ASPSCR1: variants seen among roughly 807,000 people sequenced by gnomAD.
ASPSCR1 encodes tether containing UBX domain for GLUT4.
ASPSCR1 carries 55 observed loss-of-function variants against 68.9 expected under a neutral mutation model. The ratio of observed to expected loss-of-function variants is 0.80; its 90% CI spans 0.64 to 1.00. The LOEUF (loss-of-function observed/expected upper bound fraction) is 1.00. ASPSCR1 is among the 50% of genes least tolerant of loss of function. The pLI, the probability that ASPSCR1 is intolerant of heterozygous loss-of-function variation, is 0.00. For missense variants in ASPSCR1, 765 were observed against 762.2 expected (o/e 1.00, Z -0.04); for synonymous variants, 352 against 332.6 (o/e 1.06, Z -0.63).
Position 82,009,166 on chromosome 17 carries a change from C to T in ASPSCR1, c.1063C>T (p.Arg355Cys), listed in dbSNP as rs995423507. 13 of 1,610,546 alleles carry T rather than the reference C, an allele frequency of 8.1e-6. No homozygotes were observed. The highest frequency in any genetic ancestry group is 1.1e-5 in the Non-Finnish European group (13 of 1,178,850). Residue 355 changes from arginine (R) to cysteine (C), a missense_variant, in exon 8 of 16, where the codon CGC becomes TGC. By Grantham distance (180) the Arg-to-Cys change is radical. Coordinates refer to ENST00000306739, the MANE Select transcript of ASPSCR1 (RefSeq NM_024083.4). ...FELTVDDVRR[R>C]LAQLKSERKR... ...GCTGACGGTGGACGACGTGAGAAGA[C>T]GCTTGGCCCAGCTCAAGAGTGAGCG...
intron 4 of ASPSCR1, among the ~76,000 whole-genome samples, chr17:81,991,087 C>G (rs960609752): frequency 6.6e-6 from 1 of 152,126 alleles, no homozygotes; most frequent in African/African-American, 2.4e-5. Flanking sequence ...AAGGGTGAGC[C>G]GTGGGAACTC....
intron 7 of ASPSCR1, among the ~76,000 whole-genome samples, chr17:82,000,877 G>T (rs2042506695): frequency 6.6e-6 from 1 of 152,122 alleles, no homozygotes; most frequent in African/African-American, 2.4e-5. Context: ...CCCTGTGCTG[G>T]GCTGGGACGC....
At chr17:81,997,652 C>G (rs1283018189) in intron 7 of ASPSCR1, among the ~76,000 whole-genome samples, 2 of 150,064 alleles carry the variant, frequency 1.3e-5, no homozygotes, top group African/African-American at 4.9e-5. Context: ...CCAAGCCCAG[C>G]TAATTTTTTT....
At chr17:82,012,324 TCCAG>T (rs2042978124) in intron 12 of ASPSCR1, 41 bp downstream of exon 12, 1 of 1,591,516 alleles carries the variant, frequency 6.3e-7, no homozygotes, top group East Asian at 2.2e-5. Flanking sequence ...GGCGGGGCCC[TCCAG>T]GGAGGGCAGG....
chr17:82,016,593 C>A, intron 13 of ASPSCR1, 66 bp downstream of exon 13: 1 of 1,542,888 alleles, frequency 6.5e-7, no homozygotes, highest in Non-Finnish European at 8.8e-7. Context: ...TCAGAGCCAG[C>A]TGCCCGGGAG....
chr17:82,015,077 C>G (rs1419839180), intron 12 of ASPSCR1: 5 of 1,596,876 alleles, frequency 3.1e-6, no homozygotes, highest in Non-Finnish European at 4.2e-6. Context: ...CTTTCCAGCC[C>G]CAGCTTGGTG....
At chr17:81,981,251 A>T (rs937222223) in intron 2 of ASPSCR1, among the ~76,000 whole-genome samples, 4 of 152,186 alleles carry the variant, frequency 2.6e-5, no homozygotes, top group Non-Finnish European at 5.9e-5. Context: ...GAGAGCCTGC[A>T]GATGTGTCTG....
intron 12 of ASPSCR1, chr17:82,014,916 C>A: frequency 1.1e-6 from 1 of 890,490 alleles, no homozygotes; most frequent in Non-Finnish European, 1.7e-6. Context: ...CGGGCACCCC[C>A]ACTTCTCCCT....
chr17:82,008,728 G>A (rs745625245), intron 7 of ASPSCR1: 12 of 314,988 alleles, frequency 3.8e-5, no homozygotes, highest in Admixed American at 2.5e-4. Flanking sequence ...AGACCCTGAC[G>A]TGGCCTGAGC....
chr17:81,984,144 C>T (rs571222326), intron 3 of ASPSCR1, among the ~76,000 whole-genome samples: 1 of 152,288 alleles, frequency 6.6e-6, no homozygotes, highest in East Asian at 1.9e-4. Flanking sequence ...GCGTGAGCCT[C>T]TGCGCCCCGC....
At chr17:81,994,073 C>T (rs2042257013) in intron 4 of ASPSCR1, among the ~76,000 whole-genome samples, 1 of 152,244 alleles carries the variant, frequency 6.6e-6, no homozygotes, top group Non-Finnish European at 1.5e-5. Context: ...GCAGCAGGTG[C>T]CACCAGCAGT....
chr17:81,992,149 C>A (rs983862996), intron 4 of ASPSCR1, among the ~76,000 whole-genome samples: 1 of 152,270 alleles, frequency 6.6e-6, no homozygotes, highest in Admixed American at 6.5e-5. Flanking sequence ...GGCTTCGGAG[C>A]ATGGTGTCTG....
chr17:81,995,686 G>A (rs2144041333), intron 5 of ASPSCR1: 2 of 552,940 alleles, frequency 3.6e-6, no homozygotes, highest in East Asian at 3.2e-5. Flanking sequence ...CTGGCACCAG[G>A]GCTTCCTCCT....
intron 4 of ASPSCR1, among the ~76,000 whole-genome samples, chr17:81,988,420 A>G (rs1371779003): frequency 6.7e-6 from 1 of 148,392 alleles, no homozygotes; most frequent in East Asian, 2.0e-4. Flanking sequence ...GCGCCACTGC[A>G]CTCCAGCCTG....
chr17:81,994,333 AC>A (rs1490463034), intron 4 of ASPSCR1, among the ~76,000 whole-genome samples: 1 of 152,192 alleles, frequency 6.6e-6, no homozygotes, highest in Non-Finnish European at 1.5e-5. Flanking sequence ...TGCTTCGGTG[AC>A]ATCAGGCGTC....
In ASPSCR1 at chr17:81,990,969, GC is replaced by G; in HGVS notation, c.375-3850del. ...TCCCACGTCCCGTAAGGACCTAGTT[GC>G]CAAGTGGTGAAAGGCAGGGGTGTGG... On this transcript the variant is annotated intron_variant, in intron 4 of 15. Coordinates refer to ENST00000306739, the MANE Select transcript of ASPSCR1 (RefSeq NM_024083.4). The surrounding 1 kb of genome is among the most constrained non-coding windows in gnomAD (Gnocchi z 4.1). 6.6e-6 allele frequency among the ~76,000 whole-genome samples: 1 copy of G among 152,128 alleles called. No individual in the cohort carries two copies. Among genetic ancestry groups the G allele is most frequent in the African/African-American group, 2.4e-5 (1 of 41,418 alleles).
intron 4 of ASPSCR1, among the ~76,000 whole-genome samples, chr17:81,991,236 C>T (rs776315690): frequency 2.0e-5 from 3 of 152,222 alleles, no homozygotes; most frequent in Non-Finnish European, 4.4e-5. Flanking sequence ...GGCGTGGGCA[C>T]CCCAGGTGGG....
At chr17:81,985,671 T>C in intron 4 of ASPSCR1, 64 bp downstream of exon 4, 2 of 1,523,036 alleles carry the variant, frequency 1.3e-6, no homozygotes, top group Non-Finnish European at 1.8e-6. Flanking sequence ...CTGTGGTTAC[T>C]GGGTCTGGTT....
In ASPSCR1 at chr17:81,983,177, C is replaced by G. The variant is rs530420525; in HGVS notation, c.159-377C>G. Among the ~76,000 whole-genome samples the G allele has an allele frequency of 6.6e-6, 1 of 152,220 alleles. No homozygotes were observed. Among genetic ancestry groups the G allele is most frequent in the Non-Finnish European group, 1.5e-5 (1 of 68,046 alleles). ...TTTTCTGTGGTGGCTCCAGCCGTGA[C>G]GGCCGGGGTCTGTGACACTCCAGCT... On this transcript the variant is annotated intron_variant, in intron 2 of 15. Coordinates refer to ENST00000306739, the MANE Select transcript of ASPSCR1 (RefSeq NM_024083.4). The surrounding 1 kb of genome is among the most constrained non-coding windows in gnomAD (Gnocchi z 4.4).
Sources: allele counts gnomAD v4.1 joint callset (sites outside exome capture counted in the v4.1 genomes callset), GRCh38; gene constraint gnomAD v4.1.1; non-coding constraint Gnocchi (gnomAD v3.1); transcripts MANE v1.5; gene names NCBI Gene and HGNC (gene_info 2026-07-23, HGNC 2026-07-21).